The following DAB1 variants were observed in gnomAD, a reference collection of about 807,000 sequenced individuals.
DAB1 encodes the protein DAB adaptor protein 1.
Under a neutral mutation model 64.6 loss-of-function variants are expected in DAB1, and 15 were observed. The observed-to-expected ratio is 0.23, with a 90% CI of 0.16 to 0.36. The LOEUF (loss-of-function observed/expected upper bound fraction) is 0.36. DAB1 is among the 10% of genes least tolerant of loss of function. The probability of loss-of-function intolerance (pLI) is 1.00; values close to 1 mark genes in which losing one functional copy is unlikely to be tolerated. For missense variants in DAB1, 596 were observed against 706.7 expected, an observed-to-expected ratio of 0.84 and a Z score of 1.78; for synonymous variants, 235 against 251.9, an observed-to-expected ratio of 0.93 and a Z score of 0.64.
chr1:57,771,388 A>T (rs978917744), intron 6 of DAB1, among the ~76,000 whole-genome samples: 1 of 152,152 alleles, frequency 6.6e-6, no homozygotes, highest in African/African-American at 2.4e-5. Context: ...ACACTGTGTC[A>T]TAAGCCCTAA....
At chr1:58,466,376 C>A (rs1645295984) in intron 3 of DAB1, among the ~76,000 whole-genome samples, 2 of 152,002 alleles carry the variant, frequency 1.3e-5, no homozygotes, top group South Asian at 4.2e-4. Flanking sequence ...TTCCCACAGG[C>A]ATTTCCCCTA....
At chr1:58,048,712 C>G (rs1249907845) in intron 5 of DAB1, 5 of 1,325,590 alleles carry the variant, frequency 3.8e-6, no homozygotes, top group Non-Finnish European at 5.4e-6. Context: ...CACTTCACCT[C>G]TTTGGCTGGA....
chr1:57,920,626 C>T (rs1387063105), intron 5 of DAB1, among the ~76,000 whole-genome samples: 1 of 152,142 alleles, frequency 6.6e-6, no homozygotes, highest in Non-Finnish European at 1.5e-5. Flanking sequence ...CCCAGATCCA[C>T]TACTTAGCAG....
At chr1:58,199,281 T>A (rs1657869873) in intron 4 of DAB1, among the ~76,000 whole-genome samples, 1 of 152,180 alleles carries the variant, frequency 6.6e-6, no homozygotes. Context: ...GAACTCTCCA[T>A]TACCATTTTG....
chr1:58,166,442 G>T lies in DAB1; in HGVS notation n.310-15854C>A, dbSNP rs1655837640. On this transcript the variant is annotated intron_variant and non_coding_transcript_variant, in intron 4 of 20. Transcript: ENST00000485760. The stretch of plus-strand genomic sequence containing the variant: ...GTTTTGCATCTGGCTTACTTATTTA[G>T]CATAATATTTTTGAGGTTCATCAAC... Among the ~76,000 whole-genome samples, 4 of 152,082 alleles carry T rather than the reference G, an allele frequency of 2.6e-5. No individual in the cohort carries two copies. In the South Asian group the frequency reaches 8.3e-4, roughly 32 times the overall value.
At chr1:57,878,256 A>G (rs367848365) in intron 1 of DAB1, 1 of 152,208 alleles carries the variant, frequency 6.6e-6, no homozygotes, top group Non-Finnish European at 1.5e-5. Context: ...TAACGTGGAA[A>G]CAAATTTTTA....
chr1:57,738,417 T>G (rs1467419714), intron 6 of DAB1, among the ~76,000 whole-genome samples: 1 of 152,212 alleles, frequency 6.6e-6, no homozygotes, highest in Non-Finnish European at 1.5e-5. Flanking sequence ...CATATAATTA[T>G]TAACACCATG....
At chr1:58,052,360 T>G (rs1457331621) in intron 5 of DAB1, among the ~76,000 whole-genome samples, 1 of 152,196 alleles carries the variant, frequency 6.6e-6, no homozygotes, top group East Asian at 1.9e-4. Context: ...GTTGTAGATG[T>G]GTGGCATTAC....
At chr1:58,364,625 C>T (rs1164717258) in intron 3 of DAB1, among the ~76,000 whole-genome samples, 1 of 152,142 alleles carries the variant, frequency 6.6e-6, no homozygotes, top group African/African-American at 2.4e-5. Context: ...AAGTTATATA[C>T]CACATTGTAA....
chr1:58,120,633 A>G (rs1012353304), intron 5 of DAB1, among the ~76,000 whole-genome samples: 2 of 152,200 alleles, frequency 1.3e-5, no homozygotes, highest in Non-Finnish European at 2.9e-5. Flanking sequence ...TAACAAGGCA[A>G]TGGCACTAAA....
chr1:58,127,497 C>G (rs1305002602), intron 5 of DAB1, among the ~76,000 whole-genome samples: 4 of 151,424 alleles, frequency 2.6e-5, no homozygotes, highest in Non-Finnish European at 4.4e-5. Context: ...GCTTTTGTTG[C>G]CATTGCTTTT....
At chr1:57,052,664 G>C (rs1306597920) in intron 9 of DAB1, among the ~76,000 whole-genome samples, 1 of 152,150 alleles carries the variant, frequency 6.6e-6, no homozygotes, top group Non-Finnish European at 1.5e-5. Flanking sequence ...AAGATATTGA[G>C]ATAAATACTG....
At chr1:57,991,991 G>C (rs1646350026) in intron 5 of DAB1, among the ~76,000 whole-genome samples, 1 of 151,964 alleles carries the variant, frequency 6.6e-6, no homozygotes, top group South Asian at 2.1e-4. Flanking sequence ...CAGACGCAGA[G>C]ACACAGCAGA....
At chr1:58,508,488 T>C (rs1269660063) in intron 2 of DAB1, among the ~76,000 whole-genome samples, 2 of 152,122 alleles carry the variant, frequency 1.3e-5, no homozygotes. Flanking sequence ...ACATCAAACC[T>C]GGTAGAAGAC....
intron 5 of DAB1, among the ~76,000 whole-genome samples, chr1:58,037,272 G>C (rs1647059065): frequency 6.6e-6 from 1 of 152,124 alleles, no homozygotes; most frequent in Non-Finnish European, 1.5e-5. Flanking sequence ...TGCATGGCAG[G>C]CATGAGCTTA....
At chr1:58,464,277 T>C (rs1645273357) in intron 3 of DAB1, among the ~76,000 whole-genome samples, 1 of 152,218 alleles carries the variant, frequency 6.6e-6, no homozygotes, top group Non-Finnish European at 1.5e-5. Flanking sequence ...GAGGTCTGTA[T>C]TTGTACAGGT....
chr1:57,047,232 C>T (rs1170656666), intron 9 of DAB1, among the ~76,000 whole-genome samples: 1 of 152,170 alleles, frequency 6.6e-6, no homozygotes, highest in Non-Finnish European at 1.5e-5. Context: ...AACGAAATAG[C>T]ACATTAAGTG....
intron 4 of DAB1, among the ~76,000 whole-genome samples, chr1:58,339,434 A>G (rs12562100): frequency 0.09 from 13,663 of 152,198 alleles, 774 homozygotes; most frequent in East Asian, 0.32. Flanking sequence ...AAATATAATA[A>G]ATATTTTTCA....
At chr1:58,326,852 C>T (rs988296904) in intron 4 of DAB1, among the ~76,000 whole-genome samples, 27 of 152,202 alleles carry the variant, frequency 1.8e-4, no homozygotes, top group Admixed American at 2.0e-4. Flanking sequence ...CTATCCCCAT[C>T]CCAGACACTC....
Sources: gnomAD v4.1 joint callset for allele counts (sites outside exome capture counted in the v4.1 genomes callset) on GRCh38, gnomAD v4.1.1 for gene constraint, MANE v1.5 for transcripts, NCBI Gene and HGNC (gene_info 2026-07-23, HGNC 2026-07-21) for gene names.